Variants in HPSE2 observed in about 807,000 individuals in gnomAD.
The protein encoded by HPSE2 is heparanase 2 (inactive), also known as inactive heparanase-2.
HPSE2 carries 38 observed loss-of-function variants against 60.5 expected under a neutral mutation model. The observed-to-expected ratio is 0.63, with a 90% CI of 0.48 to 0.82. HPSE2 has a LOEUF of 0.82. Among genes scored for constraint, HPSE2 ranks in the 40% least tolerant of loss-of-function variants. HPSE2 has a pLI of 0.00. For synonymous variants in HPSE2, 295 were observed against 293.2 expected (o/e 1.01, Z -0.06); for missense variants, 713 against 740.4 (o/e 0.96, Z 0.43).
intron 9 of HPSE2, among the ~76,000 whole-genome samples, chr10:98,607,609 C>A (rs997661542): frequency 2.0e-5 from 3 of 152,166 alleles, no homozygotes; most frequent in African/African-American, 7.2e-5. Flanking sequence ...TTGTCTTTAA[C>A]CTTTGCAGTC....
At chr10:99,254,512 A>G in the HPSE2 span, among the ~76,000 whole-genome samples, 1 of 152,184 alleles carries the variant, frequency 6.6e-6, no homozygotes, top group African/African-American at 2.4e-5. Context: ...ACCAAGTAAT[A>G]AATTTATACA....
At chr10:99,066,842 A>G (rs1056231685) in intron 3 of HPSE2, among the ~76,000 whole-genome samples, 2 of 152,024 alleles carry the variant, frequency 1.3e-5, no homozygotes, top group Admixed American at 6.5e-5. Flanking sequence ...ACAGTCCTCC[A>G]AAGTCTTAAC....
chr10:99,205,032 A>T (rs891532526), intron 2 of HPSE2, among the ~76,000 whole-genome samples: 2 of 152,192 alleles, frequency 1.3e-5, no homozygotes, highest in Non-Finnish European at 2.9e-5. Context: ...AGTGGAAGCT[A>T]AACAATGGGT....
At chr10:98,509,869 C>T (rs979106830) in intron 9 of HPSE2, among the ~76,000 whole-genome samples, 5 of 151,962 alleles carry the variant, frequency 3.3e-5, no homozygotes, top group African/African-American at 7.3e-5. Context: ...GCAGCAACAA[C>T]GGCAGCATTT....
chr10:98,760,842 C>T (rs1949988600), intron 3 of HPSE2, among the ~76,000 whole-genome samples: 1 of 151,984 alleles, frequency 6.6e-6, no homozygotes, highest in African/African-American at 2.4e-5. Flanking sequence ...CATAAAATGG[C>T]TTTGAAAGTG....
chr10:98,544,022 T>G (rs1204894535), intron 9 of HPSE2, among the ~76,000 whole-genome samples: 1 of 150,788 alleles, frequency 6.6e-6, no homozygotes. Context: ...ATCAACAGAA[T>G]ATACATTTTT....
At chr10:99,270,972 G>T in the HPSE2 span, among the ~76,000 whole-genome samples, 1 of 152,146 alleles carries the variant, frequency 6.6e-6, no homozygotes, top group Non-Finnish European at 1.5e-5. Context: ...AATTGGCATA[G>T]AAGGGACATA....
chr10:99,295,808 G>A, the HPSE2 span, among the ~76,000 whole-genome samples: 1 of 152,068 alleles, frequency 6.6e-6, no homozygotes, highest in African/African-American at 2.4e-5. Flanking sequence ...TGTAGAATGG[G>A]GATATAAACA....
At chr10:99,253,656 C>A in the HPSE2 span, among the ~76,000 whole-genome samples, 2 of 152,052 alleles carry the variant, frequency 1.3e-5, no homozygotes, top group African/African-American at 4.8e-5. Context: ...AAACTATCAA[C>A]AGAGTAAACA....
the HPSE2 span, among the ~76,000 whole-genome samples, chr10:99,301,583 T>C: frequency 3.9e-5 from 6 of 152,182 alleles, no homozygotes; most frequent in Non-Finnish European, 8.8e-5. Flanking sequence ...GTCTCAGGTA[T>C]GCCTTTATCA....
At chr10:98,863,786 C>G (rs1204197101) in intron 3 of HPSE2, among the ~76,000 whole-genome samples, 4 of 152,030 alleles carry the variant, frequency 2.6e-5, no homozygotes, top group African/African-American at 9.7e-5. Flanking sequence ...TATATTCAAG[C>G]TCTCAAATGA....
chr10:98,816,897 T>A (rs1951303596), intron 3 of HPSE2, among the ~76,000 whole-genome samples: 2 of 152,168 alleles, frequency 1.3e-5, no homozygotes, highest in South Asian at 2.1e-4. Flanking sequence ...ATTTTTTAGA[T>A]AACATAGTTT....
At chr10:98,670,620 G>A (rs181522672) in intron 6 of HPSE2, among the ~76,000 whole-genome samples, 6 of 152,292 alleles carry the variant, frequency 3.9e-5, no homozygotes, top group Admixed American at 2.6e-4. Context: ...CAGGCAGCCC[G>A]GCGCCAGGCC....
At chr10:98,550,823 G>C (rs890523653) in intron 9 of HPSE2, among the ~76,000 whole-genome samples, 2 of 151,840 alleles carry the variant, frequency 1.3e-5, no homozygotes, top group African/African-American at 2.4e-5. Flanking sequence ...TGCCCAGGCT[G>C]GTCTCCAACT....
At chr10:98,806,903 G>A (rs1284160800) in intron 3 of HPSE2, among the ~76,000 whole-genome samples, 1 of 152,124 alleles carries the variant, frequency 6.6e-6, no homozygotes, top group Non-Finnish European at 1.5e-5. Flanking sequence ...CAGCACTTTG[G>A]GAGGCCGAGG....
rs562045298 is a variant in HPSE2 at position 98,543,893 on chromosome 10, C to A, written c.1321-53697G>T. Among the ~76,000 whole-genome samples, 148 of 151,886 alleles carry A rather than the reference C, an allele frequency of 9.7e-4. 1 individual carries two copies. The Middle Eastern group carries it at 0.01, about 10-fold the overall frequency. On this transcript the variant is annotated intron_variant, in intron 9 of 11. Coordinates refer to ENST00000370552, the MANE Select transcript of HPSE2 (RefSeq NM_021828.5). ...ACAATAATAATGGGAGACTTTAACA[C>A]CCCACTGTCAACATTAGACAGATCA...
At chr10:99,285,309 T>C in the HPSE2 span, among the ~76,000 whole-genome samples, 1 of 151,356 alleles carries the variant, frequency 6.6e-6, no homozygotes, top group South Asian at 2.1e-4. Flanking sequence ...GGTACATGCC[T>C]GTAGTCCCAG....
At chr10:98,503,049 TAA>T (rs1174478567) in intron 9 of HPSE2, among the ~76,000 whole-genome samples, 1 of 151,708 alleles carries the variant, frequency 6.6e-6, no homozygotes, top group Non-Finnish European at 1.5e-5. Context: ...CCGTCTCTAT[TAA>T]AAATACAAAA....
At chr10:98,863,931 T>C (rs1446704844) in intron 3 of HPSE2, among the ~76,000 whole-genome samples, 1 of 151,504 alleles carries the variant, frequency 6.6e-6, no homozygotes, top group Non-Finnish European at 1.5e-5. Flanking sequence ...GTTGTACATA[T>C]TATAAAATAT....
Sources: allele counts gnomAD v4.1 joint callset (sites outside exome capture counted in the v4.1 genomes callset), GRCh38; gene constraint gnomAD v4.1.1; transcripts MANE v1.5; gene names NCBI Gene and HGNC (gene_info 2026-07-23, HGNC 2026-07-21).